Variants in RFX8 observed in about 807,000 individuals in gnomAD.
RFX8 encodes the protein regulatory factor X8, also known as DNA-binding protein RFX8.
Under a neutral mutation model 54.6 loss-of-function variants are expected in RFX8, and 46 were observed. That is an observed-to-expected ratio of 0.84 (90% CI 0.67 to 1.08). The LOEUF is 1.08. Ranked by LOEUF, RFX8 falls within the 50% of genes least tolerant of loss-of-function variation. The probability of loss-of-function intolerance (pLI) is 0.00; values close to 1 mark genes in which losing one functional copy is unlikely to be tolerated. For missense variants in RFX8, 536 were observed against 562.3 expected (o/e 0.95, Z 0.47); for synonymous variants, 192 against 209.5 (o/e 0.92, Z 0.72).
chr2:101,402,865 C>T (rs1685527120), intron 10 of RFX8, 113 bp from the exon 11 acceptor site: 1 of 956,784 alleles, frequency 1.0e-6, no homozygotes, highest in African/African-American at 1.7e-5. Flanking sequence ...GAGCCTCGTT[C>T]CAATAGCTTA....
At chr2:101,439,439 G>A (rs778130112) in intron 2 of RFX8, among the ~76,000 whole-genome samples, 1 of 152,082 alleles carries the variant, frequency 6.6e-6, no homozygotes, top group East Asian at 1.9e-4. Context: ...CTGGTGTCTG[G>A]TCTGAGACCT....
At chr2:101,462,923 G>A in intron 2 of RFX8, among the ~76,000 whole-genome samples, 1 of 152,110 alleles carries the variant, frequency 6.6e-6, no homozygotes, top group South Asian at 2.1e-4. Flanking sequence ...TTCTCAAAAG[G>A]ATTCTTTATA....
intron 2 of RFX8, among the ~76,000 whole-genome samples, chr2:101,453,536 T>C (rs1212831099): frequency 5.3e-5 from 8 of 151,998 alleles, no homozygotes. Flanking sequence ...GAGCTGAGAG[T>C]GCATCGCACT....
chr2:101,403,657 C>A (rs1204751116), intron 10 of RFX8, among the ~76,000 whole-genome samples: 2 of 151,984 alleles, frequency 1.3e-5, no homozygotes, highest in South Asian at 4.2e-4. Flanking sequence ...CAGGGTGGCA[C>A]GTGCCTGTAG....
At chr2:101,401,413 G>A (rs1401721244) in intron 11 of RFX8, among the ~76,000 whole-genome samples, 1 of 152,108 alleles carries the variant, frequency 6.6e-6, no homozygotes, top group Admixed American at 6.5e-5. Flanking sequence ...CTGTTATTCT[G>A]CGGACTCTAA....
intron 2 of RFX8, among the ~76,000 whole-genome samples, 170 bp from the exon 3 acceptor site, chr2:101,422,642 A>T (rs77400316): frequency 6.6e-6 from 1 of 152,304 alleles, no homozygotes; most frequent in East Asian, 1.9e-4. Flanking sequence ...TGTATTCCAA[A>T]TGCTGCTAAT....
chr2:101,451,684 C>T (rs774605055), intron 2 of RFX8, among the ~76,000 whole-genome samples: 7 of 74,486 alleles, frequency 9.4e-5, no homozygotes, highest in Non-Finnish European at 1.3e-4. Context: ...GGTGAAACTC[C>T]GTCTCAAAAA....
chr2:101,402,602 A>G lies in RFX8; in HGVS notation c.1079T>C (p.Leu360Pro), dbSNP rs766122830. 1.2e-5 allele frequency: 18 copies of G among 1,552,088 alleles called. No individual in the cohort carries two copies. The South Asian group carries it at 1.5e-4, about 13-fold the overall frequency. ...CAGTGAGGAATTCAGAGAATGGAAA[A>G]GTGCCTGGTCTGGCTGGCCGAGAGT... is the stretch of plus-strand genomic sequence containing the variant. The part of the protein sequence containing the change: ...DPTLGQPDQA[L>P]FHSLNSSLSQ... The change falls in exon 11 of 12, where the codon CTT becomes CCT. Residue 360 changes from leucine (L) to proline (P), a missense_variant. Coordinates refer to ENST00000428343, the MANE Select transcript of RFX8 (RefSeq NM_001145664.2).
At chr2:101,453,713 G>A (rs952390440) in intron 2 of RFX8, among the ~76,000 whole-genome samples, 1 of 152,000 alleles carries the variant, frequency 6.6e-6, no homozygotes, top group African/African-American at 2.4e-5. Context: ...CTACAGTTTT[G>A]CATTCTACTT....
intron 2 of RFX8, among the ~76,000 whole-genome samples, chr2:101,451,653 C>T (rs1220433851): frequency 6.9e-6 from 1 of 144,334 alleles, no homozygotes; most frequent in Non-Finnish European, 1.5e-5. Context: ...CACGCCATTG[C>T]ACTCCAGCCT....
At chr2:101,468,828 C>A (rs1689727242) in intron 1 of RFX8, among the ~76,000 whole-genome samples, 1 of 151,122 alleles carries the variant, frequency 6.6e-6, no homozygotes, top group Admixed American at 6.6e-5. Context: ...GGGAGCCTGA[C>A]ACTTCAGATA....
At chr2:101,448,868 A>G (rs1007445237) in intron 2 of RFX8, among the ~76,000 whole-genome samples, 1 of 152,244 alleles carries the variant, frequency 6.6e-6, no homozygotes, top group Admixed American at 6.5e-5. Context: ...ATTTGGACAT[A>G]TGGTCATCTT....
At chr2:101,461,283 G>GAA (rs1689265833) in intron 2 of RFX8, among the ~76,000 whole-genome samples, 1 of 120,368 alleles carries the variant, frequency 8.3e-6, no homozygotes, top group South Asian at 2.7e-4. Flanking sequence ...AAAAAAAAAA[G>GAA]AAAGAAAAAG....
intron 11 of RFX8, among the ~76,000 whole-genome samples, chr2:101,400,574 C>T (rs994357968): frequency 2.0e-5 from 3 of 152,226 alleles, no homozygotes; most frequent in East Asian, 1.9e-4. Context: ...TCTCCCTCCC[C>T]GGTTGCAAAA....
At chr2:101,464,718 T>A (rs1272504391) in intron 2 of RFX8, among the ~76,000 whole-genome samples, 4 of 152,196 alleles carry the variant, frequency 2.6e-5, no homozygotes. Context: ...AGTATTGAGA[T>A]AAAAAATGCC....
intron 9 of RFX8, 66 bp from the exon 10 acceptor site, chr2:101,406,123 C>A: frequency 1.2e-6 from 1 of 857,780 alleles, no homozygotes; most frequent in Non-Finnish European, 1.8e-6. Flanking sequence ...AGTATGTTTT[C>A]AAATGCACAC....
At chr2:101,468,784 T>C (rs1276122826) in intron 1 of RFX8, among the ~76,000 whole-genome samples, 3 of 151,326 alleles carry the variant, frequency 2.0e-5, no homozygotes, top group Admixed American at 6.6e-5. Context: ...ATCAAGGAAG[T>C]AGATTTTTCT....
At chr2:101,446,929 C>T (rs2148966370) in intron 2 of RFX8, among the ~76,000 whole-genome samples, 1 of 152,312 alleles carries the variant, frequency 6.6e-6, no homozygotes, top group East Asian at 1.9e-4. Context: ...TAAAATAAAT[C>T]TCTCATTATA....
chr2:101,418,233 T>A (rs1484937649), intron 5 of RFX8, among the ~76,000 whole-genome samples: 4 of 152,192 alleles, frequency 2.6e-5, no homozygotes, highest in South Asian at 2.1e-4. Context: ...AGTATTTTTT[T>A]AAAAAATCAC....
Sources: allele counts gnomAD v4.1 joint callset (sites outside exome capture counted in the v4.1 genomes callset), GRCh38; gene constraint gnomAD v4.1.1; transcripts MANE v1.5; gene names NCBI Gene and HGNC (gene_info 2026-07-23, HGNC 2026-07-21).